TTC9: variants seen among roughly 807,000 people sequenced by gnomAD.
The protein encoded by TTC9 is tetratricopeptide repeat protein 9A.
In TTC9, 13 loss-of-function variants were observed where a neutral mutation model predicts 22.9. The observed-to-expected ratio is 0.57, with a 90% CI of 0.37 to 0.90. The LOEUF (loss-of-function observed/expected upper bound fraction) is 0.90, where lower values mean the gene tolerates loss of function less well. Ranked by LOEUF, TTC9 falls within the 40% of genes least tolerant of loss-of-function variation. TTC9 has a pLI of 0.01. For synonymous variants in TTC9, 148 were observed against 133.2 expected (o/e 1.11, Z -0.77); for missense variants, 280 against 291.8 (o/e 0.96, Z 0.29).
Position 70,656,661 on chromosome 14 carries a change from G to A in TTC9, c.407-10903G>A, listed in dbSNP as rs554550628. The stretch of plus-strand genomic sequence containing the variant: ...ACAGGATAGAACTCTGGCTTCTAAG[G>A]TCTTCCCATTCTGGCTTAGAGTTTC... On this transcript the variant is annotated intron_variant, in intron 1 of 2. Coordinates refer to ENST00000256367, the MANE Select transcript of TTC9 (RefSeq NM_015351.2). Among the ~76,000 whole-genome samples the A allele has an allele frequency of 1.2e-4, 19 of 152,322 alleles. No individual in the cohort carries two copies. In the South Asian group the frequency reaches 3.9e-3, roughly 32 times the overall value.
intron 1 of TTC9, among the ~76,000 whole-genome samples, chr14:70,654,564 T>A (rs1886031213): frequency 9.1e-6 from 1 of 109,596 alleles, no homozygotes; most frequent in African/African-American, 3.6e-5. Flanking sequence ...CACTCCAGCC[T>A]GGGCAACAGT....
intron 1 of TTC9, among the ~76,000 whole-genome samples, chr14:70,646,962 G>A (rs1885909588): frequency 1.3e-5 from 2 of 152,134 alleles, no homozygotes; most frequent in African/African-American, 4.8e-5. Context: ...TGAAAAGGCA[G>A]GGAGGAAGTG....
chr14:70,660,247 A>G (rs1270002618), intron 1 of TTC9, among the ~76,000 whole-genome samples: 2 of 152,210 alleles, frequency 1.3e-5, no homozygotes, highest in Admixed American at 6.5e-5. Flanking sequence ...AACAGAGAAC[A>G]ATTATTTGCA....
Position 70,642,591 on chromosome 14 carries a change from C to G in TTC9, c.406+56C>G, listed in dbSNP as rs1885839486. The G allele has an allele frequency of 1.7e-5, 25 of 1,466,116 alleles. No individual in the cohort carries two copies. In the South Asian group the frequency reaches 3.1e-4, roughly 18 times the overall value. The allele number at this position is 1,466,116 out of a possible 1,614,324, so 90.8% of individuals were successfully genotyped here. ...TCCCCGTTCTTCGGCCCGGTCCCTC[C>G]GCGGACCACTGCGGCGCTCCCGCGG... On this transcript the variant is annotated intron_variant, in intron 1 of 2. Transcript: ENST00000256367.
chr14:70,642,407 C>T lies in TTC9; in HGVS notation c.278C>T (p.Pro93Leu), dbSNP rs370891371. 91 of 1,598,654 alleles carry T rather than the reference C, an allele frequency of 5.7e-5. No homozygotes were observed. The highest frequency in any genetic ancestry group is 7.5e-5 in the Non-Finnish European group (88 of 1,173,952). The change falls in exon 1 of 3, where the codon CCC becomes CTC. Residue 93 changes from proline to leucine, a missense_variant. Pro to Leu is a moderately conservative substitution (Grantham distance 98). This residue lies in a region of TTC9 where 165 missense variants were observed against 145.4 expected (regional missense o/e 1.14). Transcript: ENST00000256367. The stretch of plus-strand genomic sequence containing the variant: ...CTGGAGCTGAAGGGGCTGCTGCCGC[C>T]CCCCGGGGAACGGGAGCGGGACTCG... ...ALLELKGLLP[P>L]PGERERDSRP...
At chr14:70,644,277 T>C (rs1885872098) in intron 1 of TTC9, among the ~76,000 whole-genome samples, 1 of 152,196 alleles carries the variant, frequency 6.6e-6, no homozygotes, top group African/African-American at 2.4e-5. Flanking sequence ...GGGACTGAAA[T>C]CTGGATAGCT....
At chr14:70,659,119 AACAC>A (rs201172906) in intron 1 of TTC9, among the ~76,000 whole-genome samples, 16 of 134,706 alleles carry the variant, frequency 1.2e-4, no homozygotes, top group African/African-American at 4.3e-4. Flanking sequence ...TATATAACTA[AACAC>A]ACACACACGC....
At chr14:70,656,094 C>G (rs1886061589) in intron 1 of TTC9, among the ~76,000 whole-genome samples, 1 of 152,066 alleles carries the variant, frequency 6.6e-6, no homozygotes, top group Non-Finnish European at 1.5e-5. Flanking sequence ...GTTGATGAAG[C>G]CAGTCTCCTC....
intron 2 of TTC9, among the ~76,000 whole-genome samples, chr14:70,670,151 T>C (rs1886271938): frequency 1.3e-5 from 2 of 152,264 alleles, no homozygotes; most frequent in South Asian, 4.1e-4. Context: ...AGCAATTTCA[T>C]GAGGCAGGTA....
Position 70,643,441 on chromosome 14 carries a change from T to C in TTC9, c.406+906T>C, listed in dbSNP as rs551034436. On this transcript the variant is annotated intron_variant, in intron 1 of 2. Coordinates refer to ENST00000256367, the MANE Select transcript of TTC9 (RefSeq NM_015351.2). Reference sequence around the variant, plus strand: ...TTGCTAGGGCCTTCCTGGGAGAAGGTGGGAGAGGTTGGCAAAGGCAACTTA... The same window carrying C: ...TTGCTAGGGCCTTCCTGGGAGAAGGCGGGAGAGGTTGGCAAAGGCAACTTA... Among the ~76,000 whole-genome samples the C allele has an allele frequency of 1.3e-4, 20 of 152,310 alleles. 1 individual carries two copies. In the South Asian group the frequency reaches 4.1e-3, roughly 32 times the overall value.
intron 1 of TTC9, among the ~76,000 whole-genome samples, chr14:70,645,150 GAGA>G: frequency 6.6e-6 from 1 of 152,260 alleles, no homozygotes; most frequent in East Asian, 1.9e-4. Flanking sequence ...TCACTCTGGG[GAGA>G]AGTGGAAGCC....
intron 1 of TTC9, among the ~76,000 whole-genome samples, chr14:70,645,687 G>T (rs1035908361): frequency 1.3e-5 from 2 of 152,196 alleles, no homozygotes; most frequent in African/African-American, 4.8e-5. Context: ...AGCAACTGGA[G>T]GTTTATTCTG....
At position 70,671,469 on chromosome 14, in the gene TTC9, TG is replaced by T; in HGVS notation, c.*316del. The stretch of plus-strand genomic sequence containing the variant: ...TGGGATGCTGTTGTGGCTTTGACTT[TG>T]GCCAGTGCTTCTGACAGAGGCGGAG... On this transcript the variant is annotated 3_prime_UTR_variant, in exon 3 of 3. Transcript: ENST00000256367. 3.4e-6 allele frequency: 1 copy of T among 290,396 alleles called. No homozygotes were observed. The highest frequency in any genetic ancestry group is 8.6e-5 in the East Asian group (1 of 11,576). The allele number at this position is 290,396 out of a possible 1,614,324, so 18.0% of individuals were successfully genotyped here.
intron 1 of TTC9, among the ~76,000 whole-genome samples, chr14:70,656,699 T>C (rs1260146536): frequency 1.3e-5 from 2 of 152,234 alleles, no homozygotes; most frequent in African/African-American, 4.8e-5. Context: ...CCAATGAACG[T>C]GACGTGTGTA....
chr14:70,642,730 T>C (rs1177782173), intron 1 of TTC9, among the ~76,000 whole-genome samples, 195 bp downstream of exon 1: 4 of 152,228 alleles, frequency 2.6e-5, no homozygotes, highest in Non-Finnish European at 4.4e-5. Context: ...TCATCTCTTG[T>C]CCCTTCGCTA....
chr14:70,642,570 CGTT>C (rs1566693258), intron 1 of TTC9, 35 bp downstream of exon 1: 2 of 1,513,074 alleles, frequency 1.3e-6, no homozygotes, highest in South Asian at 1.2e-5. Context: ...CCGCGGTCCC[CGTT>C]CTTCGGCCCG....
At chr14:70,649,667 C>A (rs1284964603) in intron 1 of TTC9, among the ~76,000 whole-genome samples, 1 of 152,198 alleles carries the variant, frequency 6.6e-6, no homozygotes, top group Non-Finnish European at 1.5e-5. Context: ...ACTGAAATTT[C>A]TTTTAATCCA....
In TTC9 at chr14:70,674,387, C is replaced by A. The variant is rs1194616764; in HGVS notation, c.*3232C>A. On this transcript the variant is annotated 3_prime_UTR_variant, in exon 3 of 3. Transcript: ENST00000256367. ...CAAACGTGTATTCTTTTGAATATACCTTTTAGTTCTTTTTGGTGTAAATGT... is the reference window on the plus strand; with the variant it reads ...CAAACGTGTATTCTTTTGAATATACATTTTAGTTCTTTTTGGTGTAAATGT... The A allele has an allele frequency of 3.9e-5, 6 of 152,024 alleles. No individual in the cohort carries two copies. The highest frequency in any genetic ancestry group is 6.6e-5 in the Admixed American group (1 of 15,238). The allele number at this position is 152,024 out of a possible 1,614,324, so 9.4% of individuals were successfully genotyped here. A position where few individuals can be genotyped will look rare whatever the true frequency, so the allele number is the denominator to read the frequency against.
intron 2 of TTC9, among the ~76,000 whole-genome samples, 152 bp from the exon 3 acceptor site, chr14:70,670,924 T>G (rs1886284754): frequency 6.6e-6 from 1 of 151,964 alleles, no homozygotes; most frequent in Non-Finnish European, 1.5e-5. Context: ...GACATCTAGT[T>G]GCCCTCTCAG....
Sources: allele counts gnomAD v4.1 joint callset (sites outside exome capture counted in the v4.1 genomes callset), GRCh38; gene constraint gnomAD v4.1.1; regional missense constraint gnomAD v4.1.1; transcripts MANE v1.5; gene names NCBI Gene and HGNC (gene_info 2026-07-23, HGNC 2026-07-21).